BMAL1: variants seen among roughly 807,000 people sequenced by gnomAD.
BMAL1 encodes the protein basic helix-loop-helix ARNT like 1.
At chr11:13,371,294 T>C in the BMAL1 span, among the ~76,000 whole-genome samples, 1 of 152,172 alleles carries the variant, frequency 6.6e-6, no homozygotes, top group Non-Finnish European at 1.5e-5. Context: ...CTTTCTTCTC[T>C]GAGTCAGTGA....
At chr11:13,355,194 A>AC in the BMAL1 span, 1 of 1,598,288 alleles carries the variant, frequency 6.3e-7, no homozygotes, top group Non-Finnish European at 8.6e-7. Context: ...GAGGAGGTAT[A>AC]CCCCCTACAG....
chr11:13,381,571 T>C, the BMAL1 span, among the ~76,000 whole-genome samples: 3 of 152,148 alleles, frequency 2.0e-5, no homozygotes, highest in African/African-American at 7.2e-5. Flanking sequence ...GTACCTCACA[T>C]AGAAAAGTTT....
the BMAL1 span, among the ~76,000 whole-genome samples, chr11:13,309,150 C>T: frequency 3.3e-5 from 5 of 151,936 alleles, no homozygotes; most frequent in Admixed American, 1.3e-4. Context: ...TTTTGGGGCC[C>T]CATCATGAAC....
At chr11:13,332,040 C>T in the BMAL1 span, among the ~76,000 whole-genome samples, 1 of 152,032 alleles carries the variant, frequency 6.6e-6, no homozygotes, top group Admixed American at 6.5e-5. Flanking sequence ...ATGAGGAAGA[C>T]GTACTAGGAT....
At chr11:13,385,874 T>C in the BMAL1 span, 2 of 1,020,614 alleles carry the variant, frequency 2.0e-6, no homozygotes, top group Admixed American at 2.0e-5. Context: ...CTGAACTGTG[T>C]GAAACAAGCT....
chr11:13,375,549 A>C, the BMAL1 span: 2 of 1,356,842 alleles, frequency 1.5e-6, no homozygotes, highest in Non-Finnish European at 2.0e-6. Context: ...TTTGTATTGG[A>C]TGTCCTGTTT....
At chr11:13,325,591 C>T in the BMAL1 span, among the ~76,000 whole-genome samples, 2 of 151,418 alleles carry the variant, frequency 1.3e-5, no homozygotes, top group Non-Finnish European at 2.9e-5. Context: ...GGAGGCAGAC[C>T]GGCAGCAGGC....
the BMAL1 span, among the ~76,000 whole-genome samples, chr11:13,334,234 T>C: frequency 6.6e-6 from 1 of 152,124 alleles, no homozygotes; most frequent in African/African-American, 2.4e-5. Context: ...GTGCTCTTAG[T>C]TGTGGTGCAA....
the BMAL1 span, among the ~76,000 whole-genome samples, chr11:13,357,862 CAG>C: frequency 2.0e-5 from 3 of 152,196 alleles, no homozygotes; most frequent in Non-Finnish European, 4.4e-5. This position sits in a 1 kb window ranked among gnomAD's most constrained non-coding sequence, Gnocchi z 4.8. Flanking sequence ...TGACATTCCT[CAG>C]AGGAGGCTCC....
chr11:13,381,158 C>T, the BMAL1 span: 3 of 1,613,806 alleles, frequency 1.9e-6, no homozygotes, highest in Non-Finnish European at 1.7e-6. Context: ...TCTTTTCTGA[C>T]AGGATAAGAG....
chr11:13,381,664 C>T, the BMAL1 span, among the ~76,000 whole-genome samples: 2 of 152,152 alleles, frequency 1.3e-5, no homozygotes, highest in Non-Finnish European at 2.9e-5. Context: ...ACCAGCAGTG[C>T]TTTGGAAATC....
chr11:13,291,936 C>T, the BMAL1 span, among the ~76,000 whole-genome samples: 2 of 152,064 alleles, frequency 1.3e-5, no homozygotes, highest in East Asian at 1.9e-4. Flanking sequence ...AGTTGGCCAT[C>T]GAGTTCTTGG....
the BMAL1 span, among the ~76,000 whole-genome samples, chr11:13,347,893 C>T: frequency 1.3e-5 from 2 of 152,096 alleles, no homozygotes; most frequent in Non-Finnish European, 2.9e-5. Context: ...ACTCAGAGAA[C>T]GAGAAAGGAC....
At chr11:13,292,637 A>G in the BMAL1 span, among the ~76,000 whole-genome samples, 1 of 152,108 alleles carries the variant, frequency 6.6e-6, no homozygotes, top group Non-Finnish European at 1.5e-5. Context: ...GTCTCACTCA[A>G]GCTTCTTGTA....
the BMAL1 span, among the ~76,000 whole-genome samples, chr11:13,383,776 A>G: frequency 6.6e-6 from 1 of 152,110 alleles, no homozygotes; most frequent in African/African-American, 2.4e-5. Flanking sequence ...ACCTGAGCCC[A>G]GGAGGTTGAG....
chr11:13,383,273 A>G, the BMAL1 span, among the ~76,000 whole-genome samples: 1 of 152,210 alleles, frequency 6.6e-6, no homozygotes, highest in East Asian at 1.9e-4. Context: ...ATAAAGCAGC[A>G]GTTCTACAAA....
At chr11:13,292,347 A>G in the BMAL1 span, among the ~76,000 whole-genome samples, 1 of 151,790 alleles carries the variant, frequency 6.6e-6, no homozygotes, top group Non-Finnish European at 1.5e-5. Flanking sequence ...GATCGAGACC[A>G]TCCTGCTAGC....
At chr11:13,309,679 G>A in the BMAL1 span, among the ~76,000 whole-genome samples, 64,485 of 151,874 alleles carry the variant, frequency 0.42, 16,495 homozygotes, top group Non-Finnish European at 0.58. Flanking sequence ...AATTTAACAG[G>A]TCTCTTCTCT....
At chr11:13,297,213 C>G in the BMAL1 span, among the ~76,000 whole-genome samples, 10 of 152,196 alleles carry the variant, frequency 6.6e-5, no homozygotes, top group African/African-American at 2.4e-4. Flanking sequence ...CCCTGCTGCT[C>G]CCCTCAGCAT....
Sources: gnomAD v4.1 joint callset for allele counts (sites outside exome capture counted in the v4.1 genomes callset) on GRCh38, gnomAD v4.1.1 for gene constraint, Gnocchi (gnomAD v3.1) non-coding constraint, MANE v1.5 for transcripts, NCBI Gene and HGNC (gene_info 2026-07-23, HGNC 2026-07-21) for gene names.